Variants in SLC4A4 observed in about 807,000 individuals in gnomAD.
SLC4A4 encodes solute carrier family 4 member 4, also known as electrogenic sodium bicarbonate cotransporter 1.
In SLC4A4, 27 loss-of-function variants were observed where a neutral mutation model predicts 111.5. That is an observed-to-expected ratio of 0.24 (90% CI 0.18 to 0.33). The LOEUF (loss-of-function observed/expected upper bound fraction) is 0.33. Among genes scored for constraint, SLC4A4 ranks in the 10% least tolerant of loss-of-function variants. The pLI is 1.00. For synonymous variants in SLC4A4, 443 were observed against 463.4 expected (o/e 0.96, Z 0.57); for missense variants, 909 against 1,315.5 (o/e 0.69, Z 4.78).
At chr4:71,238,134 G>A (rs1719938009) in intron 2 of SLC4A4, among the ~76,000 whole-genome samples, 1 of 152,154 alleles carries the variant, frequency 6.6e-6, no homozygotes, top group Non-Finnish European at 1.5e-5. Flanking sequence ...ATAGCCTATA[G>A]TTTTAAGACA....
chr4:71,148,813 T>C (rs1490873158), intron 2 of SLC4A4, among the ~76,000 whole-genome samples: 2 of 152,186 alleles, frequency 1.3e-5, no homozygotes, highest in Non-Finnish European at 2.9e-5. Context: ...TGGGCATTTG[T>C]GTTGATTCAA....
chr4:71,173,099 A>C (rs550200628), intron 2 of SLC4A4, among the ~76,000 whole-genome samples: 6 of 152,362 alleles, frequency 3.9e-5, no homozygotes, highest in Non-Finnish European at 7.3e-5. Context: ...CTGCAGATAG[A>C]AAGCACATAC....
intron 6 of SLC4A4, among the ~76,000 whole-genome samples, chr4:71,363,192 A>G (rs1343453219): frequency 6.6e-6 from 1 of 152,220 alleles, no homozygotes; most frequent in Non-Finnish European, 1.5e-5. Flanking sequence ...GGTGGTTTGC[A>G]ATGCAGAACA....
intron 16 of SLC4A4, among the ~76,000 whole-genome samples, chr4:71,498,963 A>G (rs1730662753): frequency 6.6e-6 from 1 of 152,282 alleles, no homozygotes; most frequent in Admixed American, 6.5e-5. Flanking sequence ...TCATGCATTC[A>G]GATTAACTGC....
chr4:71,131,033 A>G (rs2148961421), intron 2 of SLC4A4, among the ~76,000 whole-genome samples: 1 of 152,332 alleles, frequency 6.6e-6, no homozygotes, highest in Admixed American at 6.5e-5. Context: ...GATACATGCT[A>G]GAATCTCAAA....
intron 7 of SLC4A4, among the ~76,000 whole-genome samples, chr4:71,421,747 A>C (rs1297000097): frequency 6.6e-6 from 1 of 152,218 alleles, no homozygotes; most frequent in Non-Finnish European, 1.5e-5. Context: ...CTGGGTACAT[A>C]ACAAAAGGAA....
chr4:71,473,786 A>G (rs527679298), intron 14 of SLC4A4, among the ~76,000 whole-genome samples: 24 of 152,056 alleles, frequency 1.6e-4, no homozygotes, highest in African/African-American at 5.3e-4. Flanking sequence ...ATTTTATAAT[A>G]TGAAAGGCAT....
chr4:71,421,177 G>T (rs1722442642), intron 7 of SLC4A4, among the ~76,000 whole-genome samples: 1 of 151,740 alleles, frequency 6.6e-6, no homozygotes, highest in African/African-American at 2.4e-5. Flanking sequence ...AAAGGTAGGG[G>T]TTTCAATCCT....
At chr4:71,132,421 T>A (rs1295642090) in intron 2 of SLC4A4, among the ~76,000 whole-genome samples, 1 of 152,174 alleles carries the variant, frequency 6.6e-6, no homozygotes, top group East Asian at 1.9e-4. Context: ...TCCATGGAAA[T>A]AGAAGTGGCA....
In SLC4A4 at chr4:71,282,889, T is replaced by G. The variant is rs1029561012; in HGVS notation, c.253+27490T>G. ...CCCATGCTTGCTCAGATTTTTTAAT[T>G]AGACCAAAAACCCTGGGAATCTGTA... On this transcript the variant is annotated intron_variant, in intron 3 of 25. Transcript: ENST00000264485. Among the ~76,000 whole-genome samples the G allele has an allele frequency of 4.6e-5, 7 of 152,160 alleles. 1 individual carries two copies. Among genetic ancestry groups the G allele is most frequent in the Admixed American group, 2.6e-4 (4 of 15,270 alleles).
At chr4:71,495,716 G>T (rs1201400651) in intron 15 of SLC4A4, among the ~76,000 whole-genome samples, 3 of 152,098 alleles carry the variant, frequency 2.0e-5, no homozygotes, top group Non-Finnish European at 4.4e-5. Flanking sequence ...TGTGTTTGGT[G>T]TGAGGTAGAA....
chr4:71,461,755 G>A (rs1437322538), intron 12 of SLC4A4, among the ~76,000 whole-genome samples: 3 of 152,004 alleles, frequency 2.0e-5, no homozygotes, highest in Non-Finnish European at 4.4e-5. Flanking sequence ...AAAAACATGG[G>A]CCAAACACGG....
intron 1 of SLC4A4, among the ~76,000 whole-genome samples, chr4:71,212,712 G>A (rs1470159871): frequency 6.6e-6 from 1 of 152,208 alleles, no homozygotes; most frequent in Non-Finnish European, 1.5e-5. Flanking sequence ...GAATAGGGTA[G>A]CAGGTTTAGT....
intron 2 of SLC4A4, among the ~76,000 whole-genome samples, chr4:71,168,739 T>G (rs1744853093): frequency 6.6e-6 from 1 of 152,124 alleles, no homozygotes; most frequent in Middle Eastern, 3.2e-3. Flanking sequence ...TCATTTCACT[T>G]CACATAATGA....
intron 2 of SLC4A4, among the ~76,000 whole-genome samples, chr4:71,152,270 A>G (rs1744330031): frequency 6.6e-6 from 1 of 152,040 alleles, no homozygotes; most frequent in Admixed American, 6.6e-5. Context: ...GATCTTTAAT[A>G]CCTTTATTAC....
intron 6 of SLC4A4, among the ~76,000 whole-genome samples, chr4:71,370,211 T>C (rs1382060280): frequency 6.6e-6 from 1 of 152,228 alleles, no homozygotes; most frequent in Non-Finnish European, 1.5e-5. Context: ...GTAACTTGCC[T>C]AGATCACACA....
intron 1 of SLC4A4, among the ~76,000 whole-genome samples, chr4:71,073,742 T>TA (rs1008649314): frequency 6.6e-6 from 1 of 151,784 alleles, no homozygotes; most frequent in Non-Finnish European, 1.5e-5. Context: ...TACCTGCACA[T>TA]AAAAAAAATG....
intron 5 of SLC4A4, among the ~76,000 whole-genome samples, chr4:71,353,829 C>T (rs371464007): frequency 6.6e-6 from 1 of 152,216 alleles, no homozygotes; most frequent in Admixed American, 6.5e-5. Context: ...CCTGCTACCC[C>T]TCACCAGCCT....
chr4:71,180,822 A>G (rs1745265873), intron 2 of SLC4A4, among the ~76,000 whole-genome samples: 2 of 152,144 alleles, frequency 1.3e-5, no homozygotes, highest in South Asian at 4.1e-4. Context: ...TAGCAATACC[A>G]TTTGACCCAG....
Sources: allele counts gnomAD v4.1 joint callset (sites outside exome capture counted in the v4.1 genomes callset), GRCh38; gene constraint gnomAD v4.1.1; transcripts MANE v1.5; gene names NCBI Gene and HGNC (gene_info 2026-07-23, HGNC 2026-07-21).